TTBK2: variants seen among roughly 807,000 people sequenced by gnomAD.
The protein encoded by TTBK2 is tau-tubulin kinase 2.
A neutral mutation model predicts 110.8 loss-of-function variants in TTBK2; 28 were observed. The ratio of observed to expected loss-of-function variants is 0.25; its 90% CI spans 0.19 to 0.35. The LOEUF is 0.35. Ranked by LOEUF, TTBK2 falls within the 10% of genes least tolerant of loss-of-function variation. The probability of loss-of-function intolerance (pLI) is 1.00; values close to 1 mark genes in which losing one functional copy is unlikely to be tolerated. For missense variants in TTBK2, 1,369 were observed against 1,500.3 expected (o/e 0.91, Z 1.45); for synonymous variants, 532 against 527.3 (o/e 1.01, Z -0.12).
chr15:42,751,666 C>A (rs1239596494), intron 14 of TTBK2, among the ~76,000 whole-genome samples: 3 of 152,210 alleles, frequency 2.0e-5, no homozygotes. Context: ...ATCTCTTGAA[C>A]CCGGGATGCA....
At chr15:42,919,863 T>C in intron 1 of TTBK2, 1 of 979,206 alleles carries the variant, frequency 1.0e-6, no homozygotes, top group Non-Finnish European at 1.2e-6. Context: ...AACATATACG[T>C]GAGTCTTTTG....
chr15:42,769,493 C>G (rs1407608121), intron 13 of TTBK2, among the ~76,000 whole-genome samples: 1 of 152,032 alleles, frequency 6.6e-6, no homozygotes, highest in Non-Finnish European at 1.5e-5. Context: ...ATGCAGCCAA[C>G]AGACACACGA....
chr15:42,801,617 T>C (rs1891208556), intron 9 of TTBK2: 1 of 803,134 alleles, frequency 1.2e-6, no homozygotes, highest in African/African-American at 1.7e-5. Context: ...CTCCTCGTAC[T>C]GCACCTTGAC....
rs565680464 is a variant in TTBK2, at chr15:42,870,051, G to A, written c.217+2560C>T. ...TAGCTGGGCATGGTGGCACCCACCC[G>A]TAGTCCCAGCTACTTGGGAGGCTGA... On this transcript the variant is annotated intron_variant, in intron 3 of 14. Coordinates refer to ENST00000267890, the MANE Select transcript of TTBK2 (RefSeq NM_173500.4). 9.2e-5 allele frequency among the ~76,000 whole-genome samples: 14 copies of A among 152,142 alleles called. No homozygotes were observed. The East Asian group carries it at 1.5e-3, about 17-fold the overall frequency.
At chr15:42,881,825 C>G (rs1008922294) in intron 1 of TTBK2, among the ~76,000 whole-genome samples, 1 of 151,498 alleles carries the variant, frequency 6.6e-6, no homozygotes, top group African/African-American at 2.4e-5. Flanking sequence ...GAGCCAAGAT[C>G]GCACCATTGC....
intron 13 of TTBK2, among the ~76,000 whole-genome samples, chr15:42,758,581 T>C (rs1295488003): frequency 7.0e-6 from 1 of 142,476 alleles, no homozygotes; most frequent in African/African-American, 2.7e-5. Flanking sequence ...CTTGAACCCA[T>C]GAGGCAGAGG....
chr15:42,871,494 T>C, intron 3 of TTBK2: 2 of 985,238 alleles, frequency 2.0e-6, no homozygotes. Flanking sequence ...AGTGGCACTA[T>C]CCACACCAAG....
intron 13 of TTBK2, among the ~76,000 whole-genome samples, chr15:42,766,807 C>T (rs915354706): frequency 6.6e-6 from 1 of 152,194 alleles, no homozygotes; most frequent in Non-Finnish European, 1.5e-5. Flanking sequence ...CAGAACTCTC[C>T]ACCTCAAATC....
At chr15:42,900,427 G>C (rs1260856865) in intron 1 of TTBK2, among the ~76,000 whole-genome samples, 1 of 152,126 alleles carries the variant, frequency 6.6e-6, no homozygotes, top group Non-Finnish European at 1.5e-5. Flanking sequence ...ACTATTAACA[G>C]TAGTTATAGG....
chr15:42,888,460 C>T lies in TTBK2; in HGVS notation c.-67-9776G>A, dbSNP rs147613146. The stretch of plus-strand genomic sequence containing the variant: ...CTCACCCAGAACACACTTGGTTTAT[C>T]GATGGCAGTCCAACCAAGCCTAATC... On this transcript the variant is annotated intron_variant, in intron 1 of 14. Transcript: ENST00000267890. Among the ~76,000 whole-genome samples, 550 of 152,152 alleles carry T rather than the reference C, an allele frequency of 3.6e-3. 4 individuals are homozygous for T. The highest frequency in any genetic ancestry group is 0.013 in the African/African-American group (519 of 41,508).
chr15:42,840,099 T>C (rs1158100948), intron 4 of TTBK2, among the ~76,000 whole-genome samples: 3 of 152,188 alleles, frequency 2.0e-5, no homozygotes, highest in Non-Finnish European at 4.4e-5. Context: ...ATTCACATTA[T>C]ATCCCCTCAT....
chr15:42,780,359 TTA>T (rs1392880031), intron 11 of TTBK2, among the ~76,000 whole-genome samples: 5 of 151,044 alleles, frequency 3.3e-5, no homozygotes, highest in Non-Finnish European at 1.5e-5. Context: ...TTTTTTTTTT[TTA>T]AAAGAAAGAA....
chr15:42,764,659 G>C (rs1016059561), intron 13 of TTBK2, among the ~76,000 whole-genome samples: 2 of 152,268 alleles, frequency 1.3e-5, no homozygotes, highest in African/African-American at 4.8e-5. Flanking sequence ...TGCCTCTGTA[G>C]ACTCCACCTC....
chr15:42,790,167 A>G (rs1018666402), intron 10 of TTBK2, among the ~76,000 whole-genome samples: 1 of 152,166 alleles, frequency 6.6e-6, no homozygotes, highest in Non-Finnish European at 1.5e-5. Context: ...AAGACCTGAG[A>G]CTATAAAACT....
At chr15:42,759,135 C>T (rs1252036539) in intron 13 of TTBK2, among the ~76,000 whole-genome samples, 1 of 152,238 alleles carries the variant, frequency 6.6e-6, no homozygotes, top group African/African-American at 2.4e-5. Flanking sequence ...TGCTTGGAGC[C>T]TGGGCTCAGG....
At chr15:42,879,996 C>CAAAAAAAAAAA (rs71108186) in intron 1 of TTBK2, among the ~76,000 whole-genome samples, 1 of 74,460 alleles carries the variant, frequency 1.3e-5, no homozygotes. Flanking sequence ...GATCCTGTCT[C>CAAAAAAAAAAA]AAAAAAAAAA....
At chr15:42,807,020 T>C (rs1272824176) in intron 9 of TTBK2, among the ~76,000 whole-genome samples, 3 of 152,162 alleles carry the variant, frequency 2.0e-5, no homozygotes, top group Admixed American at 2.0e-4. Flanking sequence ...CTCAACCTTG[T>C]AGCATCTATG....
intron 1 of TTBK2, among the ~76,000 whole-genome samples, chr15:42,879,560 A>G (rs1165108378): frequency 6.6e-6 from 1 of 152,106 alleles, no homozygotes; most frequent in Non-Finnish European, 1.5e-5. Flanking sequence ...ATAGCTACTC[A>G]ATTCTGCCAC....
At chr15:42,867,300 A>C (rs914943935) in intron 3 of TTBK2, among the ~76,000 whole-genome samples, 4 of 151,838 alleles carry the variant, frequency 2.6e-5, no homozygotes, top group African/African-American at 9.7e-5. Context: ...CAATAACCAA[A>C]GTTTTTACTT....
Sources: gnomAD v4.1 joint callset for allele counts (sites outside exome capture counted in the v4.1 genomes callset) on GRCh38, gnomAD v4.1.1 for gene constraint, MANE v1.5 for transcripts, NCBI Gene and HGNC (gene_info 2026-07-23, HGNC 2026-07-21) for gene names.